Variants in ATP10B observed in about 807,000 individuals in gnomAD.
ATP10B encodes the protein phospholipid-transporting ATPase VB.
Under a neutral mutation model 141.2 loss-of-function variants are expected in ATP10B, and 122 were observed. That is an observed-to-expected ratio of 0.86 (90% CI 0.75 to 1.00). The LOEUF is 1.00. Ranked by LOEUF, ATP10B falls within the 50% of genes least tolerant of loss-of-function variation. The pLI is 0.00. For synonymous variants in ATP10B, 685 were observed against 692.0 expected, an observed-to-expected ratio of 0.99 and a Z score of 0.16; for missense variants, 1,876 against 1,825.3, an observed-to-expected ratio of 1.03 and a Z score of -0.51.
intron 1 of ATP10B, among the ~76,000 whole-genome samples, chr5:160,796,640 G>A (rs1014350983): frequency 2.6e-5 from 4 of 152,182 alleles, no homozygotes; most frequent in Admixed American, 6.5e-5. Flanking sequence ...CTCCAGGAGG[G>A]CATTTGATTC....
At chr5:160,874,450 A>T in the ATP10B span, among the ~76,000 whole-genome samples, 1 of 152,154 alleles carries the variant, frequency 6.6e-6, no homozygotes, top group Admixed American at 6.5e-5. Flanking sequence ...AGAACAGAAA[A>T]ACTGGAAACT....
chr5:160,658,580 G>C (rs1261993988), intron 7 of ATP10B, among the ~76,000 whole-genome samples: 1 of 152,186 alleles, frequency 6.6e-6, no homozygotes, highest in Non-Finnish European at 1.5e-5. Context: ...CTTTGTTTCT[G>C]GCCAGAGTTA....
At chr5:160,612,678 C>G in intron 18 of ATP10B, 63 bp downstream of exon 18, 1 of 1,454,186 alleles carries the variant, frequency 6.9e-7, no homozygotes, top group Non-Finnish European at 9.4e-7. Flanking sequence ...CCTGTGTCCT[C>G]TTGGTTGAGG....
the ATP10B span, among the ~76,000 whole-genome samples, chr5:160,898,661 T>G: frequency 6.6e-6 from 1 of 152,144 alleles, no homozygotes; most frequent in Non-Finnish European, 1.5e-5. Flanking sequence ...ACCCAAAGGA[T>G]TATAAATCAT....
intron 19 of ATP10B, among the ~76,000 whole-genome samples, chr5:160,605,015 A>G (rs940791151): frequency 6.6e-6 from 1 of 152,244 alleles, no homozygotes; most frequent in African/African-American, 2.4e-5. Flanking sequence ...TTGCTGAAAG[A>G]CTATTAATCC....
At chr5:160,721,545 T>G (rs1430788200) in intron 2 of ATP10B, among the ~76,000 whole-genome samples, 2 of 152,122 alleles carry the variant, frequency 1.3e-5, no homozygotes, top group African/African-American at 2.4e-5. Flanking sequence ...CTTTAAAGTT[T>G]CAGATGACTG....
At chr5:160,587,261 G>T (rs1000982728) in intron 24 of ATP10B, among the ~76,000 whole-genome samples, 2 of 152,156 alleles carry the variant, frequency 1.3e-5, no homozygotes, top group Non-Finnish European at 2.9e-5. Flanking sequence ...AGATCAGATG[G>T]TTGTAGGTGT....
chr5:160,855,623 AT>A (rs1267459027), upstream of ATP10B, among the ~76,000 whole-genome samples: 2 of 151,796 alleles, frequency 1.3e-5, no homozygotes, highest in Admixed American at 1.3e-4. Flanking sequence ...ATTTACATCA[AT>A]TTTTAAAGCA....
chr5:160,885,629 T>G, the ATP10B span, among the ~76,000 whole-genome samples: 1 of 152,296 alleles, frequency 6.6e-6, no homozygotes, highest in African/African-American at 2.4e-5. Flanking sequence ...AGAAAAAACA[T>G]GGCATAGAAT....
chr5:160,900,860 A>C, the ATP10B span, among the ~76,000 whole-genome samples: 1 of 152,040 alleles, frequency 6.6e-6, no homozygotes. Flanking sequence ...TTGAAAAAAG[A>C]ACAAGAACAC....
intron 14 of ATP10B, among the ~76,000 whole-genome samples, chr5:160,621,676 G>T (rs960602694): frequency 2.6e-5 from 4 of 152,170 alleles, no homozygotes; most frequent in Non-Finnish European, 4.4e-5. Context: ...GAAACTTCTT[G>T]TCTTGGTTTC....
Position 160,620,594 on chromosome 5 carries a change from A to G in ATP10B, c.2169T>C (p.Asp723=). 6.2e-7 allele frequency: 1 copy of G among 1,613,890 alleles called. No individual in the cohort carries two copies. The highest frequency in any genetic ancestry group is 8.5e-7 in the Non-Finnish European group (1 of 1,179,778). The change falls in exon 15 of 26, where the codon GAT becomes GAC. Residue 723 remains aspartate, a synonymous_variant. Transcript: ENST00000327245. ...PEFCYEAESP[D]EAALVHAAHA... ...GGGCAGCGTGCACCAGGGCGGCCTCATCAGGGCTCTCAGCCTCGTAACAGA... is the reference window on the plus strand; with the variant it reads ...GGGCAGCGTGCACCAGGGCGGCCTCGTCAGGGCTCTCAGCCTCGTAACAGA...
Position 160,617,991 on chromosome 5 carries a change from T to TC in ATP10B, c.2417-19dup, listed in dbSNP as rs1758121997. 6.3e-7 allele frequency: 1 copy of TC among 1,596,734 alleles called. No individual in the cohort carries two copies. Among genetic ancestry groups the TC allele is most frequent in the Non-Finnish European group, 8.6e-7 (1 of 1,164,248 alleles). On this transcript the variant is annotated intron_variant, in intron 15 of 25. Transcript: ENST00000327245. ...GTCAGGTACTGTCAAATAGCCATTT[T>TC]CCCGCATGAGGCCACATACAAATGC...
At chr5:160,748,795 A>G (rs545087103) in intron 2 of ATP10B, among the ~76,000 whole-genome samples, 9 of 152,300 alleles carry the variant, frequency 5.9e-5, no homozygotes, top group African/African-American at 2.2e-4. Flanking sequence ...TAATTCATGC[A>G]AGTTTGAGGG....
At chr5:160,870,396 C>A in the ATP10B span, among the ~76,000 whole-genome samples, 1 of 149,720 alleles carries the variant, frequency 6.7e-6, no homozygotes, top group African/African-American at 2.4e-5. Flanking sequence ...TACTAAAAGG[C>A]AAGAACAAAC....
chr5:160,753,917 C>G (rs757540225), intron 2 of ATP10B, among the ~76,000 whole-genome samples: 6 of 152,166 alleles, frequency 3.9e-5, no homozygotes, highest in Non-Finnish European at 8.8e-5. Context: ...ATGATTTGAA[C>G]CACTTTACTA....
chr5:160,600,136 A>T (rs1409384020), intron 21 of ATP10B, among the ~76,000 whole-genome samples: 1 of 152,132 alleles, frequency 6.6e-6, no homozygotes, highest in Non-Finnish European at 1.5e-5. Flanking sequence ...TGTCCTAACA[A>T]CCTTGCAAGG....
chr5:160,898,697 T>A, the ATP10B span, among the ~76,000 whole-genome samples: 3 of 152,182 alleles, frequency 2.0e-5, no homozygotes, highest in Non-Finnish European at 4.4e-5. Context: ...CATGCACACG[T>A]ATATTTATTG....
the ATP10B span, among the ~76,000 whole-genome samples, chr5:160,925,082 A>G: frequency 6.6e-6 from 1 of 152,270 alleles, no homozygotes; most frequent in African/African-American, 2.4e-5. Flanking sequence ...GATCTTGAGT[A>G]TAAACTCCTG....
Sources: allele counts gnomAD v4.1 joint callset (sites outside exome capture counted in the v4.1 genomes callset), GRCh38; gene constraint gnomAD v4.1.1; transcripts MANE v1.5; gene names NCBI Gene and HGNC (gene_info 2026-07-23, HGNC 2026-07-21).